TACR3: variants seen among roughly 807,000 people sequenced by gnomAD.
TACR3 encodes the protein neuromedin-K receptor.
In TACR3, 34 loss-of-function variants were observed where a neutral mutation model predicts 35.0. That is an observed-to-expected ratio of 0.97 (90% CI 0.74 to 1.30). TACR3 has a LOEUF of 1.30. Among genes scored for constraint, TACR3 ranks in the 50% most tolerant of loss-of-function variants. The pLI, the probability that TACR3 is intolerant of heterozygous loss-of-function variation, is 0.00. For missense variants in TACR3, 558 were observed against 591.7 expected (o/e 0.94, Z 0.59); for synonymous variants, 233 against 221.1 (o/e 1.05, Z -0.48).
At chr4:103,718,035 T>A (rs1269091006) in intron 1 of TACR3, among the ~76,000 whole-genome samples, 1 of 152,204 alleles carries the variant, frequency 6.6e-6, no homozygotes, top group Non-Finnish European at 1.5e-5. Context: ...TAGAGATATA[T>A]GTTACTAATA....
At chr4:103,632,453 A>T (rs1044740812) in intron 3 of TACR3, among the ~76,000 whole-genome samples, 2 of 151,554 alleles carry the variant, frequency 1.3e-5, no homozygotes, top group African/African-American at 4.8e-5. Flanking sequence ...CAAACATCAC[A>T]TGATCTCTTT....
At chr4:103,701,982 A>G (rs939006525) in intron 1 of TACR3, among the ~76,000 whole-genome samples, 19 of 152,350 alleles carry the variant, frequency 1.2e-4, no homozygotes, top group South Asian at 8.3e-4. Flanking sequence ...TTCAGGACAT[A>G]GGCACGGGCA....
chr4:103,650,215 T>C (rs1458911509), intron 3 of TACR3, among the ~76,000 whole-genome samples: 1 of 151,840 alleles, frequency 6.6e-6, no homozygotes, highest in Non-Finnish European at 1.5e-5. Context: ...CTGAGCCACC[T>C]GGAGCTGGGT....
intron 3 of TACR3, among the ~76,000 whole-genome samples, chr4:103,610,707 T>A (rs1166713356): frequency 2.0e-5 from 3 of 152,154 alleles, no homozygotes; most frequent in African/African-American, 7.2e-5. Context: ...CTTGTCCAGA[T>A]CAATGTCATA....
chr4:103,675,299 C>T (rs184604415), intron 1 of TACR3, among the ~76,000 whole-genome samples: 9 of 152,204 alleles, frequency 5.9e-5, no homozygotes, highest in African/African-American at 1.4e-4. Context: ...TATTTTCCTA[C>T]GTCTTCACTT....
intron 3 of TACR3, among the ~76,000 whole-genome samples, chr4:103,604,328 G>C (rs1724294047): frequency 6.6e-6 from 1 of 152,196 alleles, no homozygotes; most frequent in Admixed American, 6.5e-5. Flanking sequence ...GGGAAAACTG[G>C]CTAGCCATAT....
At chr4:103,690,823 TTAAC>T (rs141195799) in intron 1 of TACR3, among the ~76,000 whole-genome samples, 3,049 of 152,258 alleles carry the variant, frequency 0.02, 99 homozygotes, top group African/African-American at 0.07. Context: ...CATTTGTTGA[TTAAC>T]TATATTTAAC....
At chr4:103,663,502 T>TA (rs1295899577) in intron 1 of TACR3, among the ~76,000 whole-genome samples, 4 of 151,478 alleles carry the variant, frequency 2.6e-5, no homozygotes, top group African/African-American at 9.7e-5. Flanking sequence ...TCATAAAAAA[T>TA]AAAAAACATA....
At chr4:103,687,703 C>T (rs901345402) in intron 1 of TACR3, among the ~76,000 whole-genome samples, 2 of 152,048 alleles carry the variant, frequency 1.3e-5, no homozygotes, top group South Asian at 2.1e-4. Context: ...ACGTGAAGGA[C>T]CTCTTCAAGG....
intron 3 of TACR3, among the ~76,000 whole-genome samples, chr4:103,619,125 T>A (rs1439065127): frequency 6.6e-6 from 1 of 152,096 alleles, no homozygotes; most frequent in Non-Finnish European, 1.5e-5. Flanking sequence ...ATTTTAGGAG[T>A]CTTTGAGCAG....
At chr4:103,626,971 G>A (rs1038459255) in intron 3 of TACR3, among the ~76,000 whole-genome samples, 9 of 151,064 alleles carry the variant, frequency 6.0e-5, no homozygotes, top group African/African-American at 2.2e-4. Context: ...CCAGGAGTTG[G>A]AGACCAGCCT....
intron 1 of TACR3, among the ~76,000 whole-genome samples, chr4:103,683,006 C>T (rs536195634): frequency 6.6e-6 from 1 of 152,002 alleles, no homozygotes; most frequent in Non-Finnish European, 1.5e-5. Context: ...TGGTTAGATG[C>T]AAATCATAGG....
At chr4:103,607,712 G>A (rs1724414136) in intron 3 of TACR3, among the ~76,000 whole-genome samples, 1 of 152,064 alleles carries the variant, frequency 6.6e-6, no homozygotes, top group Admixed American at 6.6e-5. Flanking sequence ...GGGAATGAAT[G>A]AAATTACTCA....
chr4:103,702,577 T>A (rs1165698434), intron 1 of TACR3, among the ~76,000 whole-genome samples: 4 of 152,152 alleles, frequency 2.6e-5, no homozygotes, highest in African/African-American at 9.7e-5. Context: ...TTATAAATCA[T>A]GCTGCTATAA....
intron 1 of TACR3, among the ~76,000 whole-genome samples, chr4:103,688,933 T>C (rs961242129): frequency 6.6e-6 from 1 of 152,086 alleles, no homozygotes; most frequent in East Asian, 1.9e-4. Flanking sequence ...CATGCTGCTA[T>C]AAAAACACAT....
chr4:103,666,219 A>C (rs913021918), intron 1 of TACR3, among the ~76,000 whole-genome samples: 1 of 152,230 alleles, frequency 6.6e-6, no homozygotes, highest in South Asian at 2.1e-4. Flanking sequence ...CTTGGTTATA[A>C]GTGGACACAG....
At chr4:103,702,694 A>G (rs916014749) in intron 1 of TACR3, among the ~76,000 whole-genome samples, 3 of 152,080 alleles carry the variant, frequency 2.0e-5, no homozygotes, top group African/African-American at 7.2e-5. Context: ...AATGTGGCAC[A>G]TATACACCAT....
intron 3 of TACR3, among the ~76,000 whole-genome samples, chr4:103,601,544 T>G (rs1724201947): frequency 6.6e-6 from 1 of 152,216 alleles, no homozygotes; most frequent in African/African-American, 2.4e-5. Flanking sequence ...TTTCCATGTT[T>G]AGTGCTTCCT....
At chr4:103,668,447 A>C (rs1001561356) in intron 1 of TACR3, among the ~76,000 whole-genome samples, 1 of 152,182 alleles carries the variant, frequency 6.6e-6, no homozygotes, top group African/African-American at 2.4e-5. Flanking sequence ...CTGACTGATC[A>C]GGGTGGTGGT....
Sources: allele counts gnomAD v4.1 joint callset (sites outside exome capture counted in the v4.1 genomes callset), GRCh38; gene constraint gnomAD v4.1.1; transcripts MANE v1.5; gene names NCBI Gene and HGNC (gene_info 2026-07-23, HGNC 2026-07-21).